Variants in ADAMTS19 observed in about 807,000 individuals in gnomAD.
ADAMTS19 encodes A disintegrin and metalloproteinase with thrombospondin motifs 19.
In ADAMTS19, 93 loss-of-function variants were observed where a neutral mutation model predicts 153.3. The observed-to-expected ratio is 0.61, with a 90% CI of 0.51 to 0.72. The LOEUF is 0.72. ADAMTS19 is among the 30% of genes least tolerant of loss of function. ADAMTS19 has a pLI of 0.00. For synonymous variants in ADAMTS19, 600 were observed against 556.6 expected (o/e 1.08, Z -1.10); for missense variants, 1,482 against 1,552.1 (o/e 0.95, Z 0.76).
chr5:129,578,969 G>T (rs1295278876), intron 7 of ADAMTS19, among the ~76,000 whole-genome samples: 1 of 152,136 alleles, frequency 6.6e-6, no homozygotes, highest in Non-Finnish European at 1.5e-5. Flanking sequence ...TAATGGGATT[G>T]CTGGGTCAAT....
At chr5:129,493,198 G>A (rs1334224063) in intron 2 of ADAMTS19, among the ~76,000 whole-genome samples, 1 of 152,014 alleles carries the variant, frequency 6.6e-6, no homozygotes, top group African/African-American at 2.4e-5. Context: ...AAGGTCCCAG[G>A]TTCACTTCAT....
chr5:129,731,296 A>T (rs1757436222), intron 21 of ADAMTS19, among the ~76,000 whole-genome samples: 1 of 152,144 alleles, frequency 6.6e-6, no homozygotes, highest in Non-Finnish European at 1.5e-5. Flanking sequence ...CATTTAGGAA[A>T]GGAGTATTAC....
intron 2 of ADAMTS19, among the ~76,000 whole-genome samples, chr5:129,470,511 C>G (rs1019969610): frequency 5.9e-5 from 9 of 152,144 alleles, no homozygotes; most frequent in African/African-American, 2.2e-4. Flanking sequence ...ATTTAGGGTG[C>G]AGCTATAGTG....
chr5:129,712,940 A>G (rs572866160), intron 21 of ADAMTS19, among the ~76,000 whole-genome samples: 1 of 152,216 alleles, frequency 6.6e-6, no homozygotes, highest in Non-Finnish European at 1.5e-5. Flanking sequence ...CAAGAGAAAT[A>G]TTGTAAAAAT....
At chr5:129,582,835 G>T (rs1581111798) in intron 7 of ADAMTS19, among the ~76,000 whole-genome samples, 1 of 151,778 alleles carries the variant, frequency 6.6e-6, no homozygotes, top group Non-Finnish European at 1.5e-5. Context: ...CCTCCCAAAA[G>T]TGCTGGGATT....
At chr5:129,672,994 T>C (rs997728457) in intron 16 of ADAMTS19, among the ~76,000 whole-genome samples, 6 of 152,126 alleles carry the variant, frequency 3.9e-5, no homozygotes, top group Non-Finnish European at 8.8e-5. Context: ...TAAACTTGTT[T>C]ATAATATTAC....
At chr5:129,549,612 A>G (rs1752991765) in intron 6 of ADAMTS19, among the ~76,000 whole-genome samples, 1 of 151,656 alleles carries the variant, frequency 6.6e-6, no homozygotes, top group East Asian at 1.9e-4. Context: ...GCACAATGGA[A>G]TTTTAACAGT....
chr5:129,669,744 T>C (rs557486104), intron 16 of ADAMTS19, among the ~76,000 whole-genome samples: 1 of 152,166 alleles, frequency 6.6e-6, no homozygotes, highest in Non-Finnish European at 1.5e-5. Flanking sequence ...ACCTTTGCTG[T>C]GTCCCATAAG....
intron 2 of ADAMTS19, among the ~76,000 whole-genome samples, chr5:129,495,802 G>A (rs1750909705): frequency 6.6e-6 from 1 of 152,020 alleles, no homozygotes; most frequent in African/African-American, 2.4e-5. Context: ...TCTTGACGTG[G>A]CCTGGTATAC....
intron 7 of ADAMTS19, among the ~76,000 whole-genome samples, chr5:129,553,134 A>G (rs1450276407): frequency 2.0e-5 from 3 of 152,098 alleles, no homozygotes; most frequent in African/African-American, 4.8e-5. Flanking sequence ...GCTTGTCTCA[A>G]AATAATAACC....
chr5:129,622,304 C>G lies in ADAMTS19; in HGVS notation c.1726C>G (p.Gln576Glu). 1.2e-6 allele frequency: 2 copies of G among 1,614,026 alleles called. No homozygotes were observed. The highest frequency in any genetic ancestry group is 1.7e-6 in the Non-Finnish European group (2 of 1,179,970). ...GMTYTADEQC[Q>E]ILFGPLASFC... ...GACATACACTGCTGATGAACAATGC[C>G]AGATCCTTTTTGGGCCATTGGCTTC... Residue 576 changes from glutamine to glutamate, a missense_variant, in exon 10 of 23, where the codon CAG becomes GAG. Gln to Glu is a conservative substitution (Grantham distance 29, BLOSUM62 2). Around this residue, in one of 2 missense-constraint regions of ADAMTS19, gnomAD observed 866 missense variants for 827.7 expected, o/e 1.05. Coordinates refer to ENST00000274487, the MANE Select transcript of ADAMTS19 (RefSeq NM_133638.6).
At chr5:129,598,150 A>G (rs1255848171) in intron 8 of ADAMTS19, among the ~76,000 whole-genome samples, 1 of 152,188 alleles carries the variant, frequency 6.6e-6, no homozygotes, top group Non-Finnish European at 1.5e-5. Flanking sequence ...ACATTAAAAA[A>G]GTGTAAATTT....
intron 7 of ADAMTS19, among the ~76,000 whole-genome samples, chr5:129,572,827 C>G (rs187072476): frequency 3.2e-4 from 49 of 151,984 alleles, no homozygotes; most frequent in African/African-American, 1.1e-3. Context: ...GTTCTGTCCC[C>G]TGATTATTGT....
At chr5:129,491,104 C>T (rs1750754976) in intron 2 of ADAMTS19, among the ~76,000 whole-genome samples, 1 of 152,120 alleles carries the variant, frequency 6.6e-6, no homozygotes, top group Non-Finnish European at 1.5e-5. Flanking sequence ...CAGGTTCACG[C>T]CATTCTTCTG....
At chr5:129,528,475 T>C in intron 5 of ADAMTS19, 45 bp from the exon 6 acceptor site, 1 of 1,453,732 alleles carries the variant, frequency 6.9e-7, no homozygotes, top group Non-Finnish European at 9.1e-7. Flanking sequence ...GTTTTGTATA[T>C]ACCTAAGAAT....
chr5:129,468,257 G>C (rs748807082), intron 2 of ADAMTS19, among the ~76,000 whole-genome samples: 3 of 152,146 alleles, frequency 2.0e-5, no homozygotes, highest in Non-Finnish European at 2.9e-5. Context: ...CTCAGACCAG[G>C]AGAGTAGGAG....
At chr5:129,681,346 C>T (rs1274005786) in intron 17 of ADAMTS19, among the ~76,000 whole-genome samples, 1 of 152,110 alleles carries the variant, frequency 6.6e-6, no homozygotes, top group Admixed American at 6.5e-5. Flanking sequence ...TATATAACTG[C>T]AATTAATATG....
intron 2 of ADAMTS19, among the ~76,000 whole-genome samples, chr5:129,484,408 T>C (rs1169628408): frequency 1.3e-5 from 2 of 152,150 alleles, no homozygotes; most frequent in Non-Finnish European, 2.9e-5. Context: ...AATTTGCCTA[T>C]ATATTTCCAT....
chr5:129,732,813 AT>A (rs1757498758), intron 21 of ADAMTS19, among the ~76,000 whole-genome samples: 1 of 152,240 alleles, frequency 6.6e-6, no homozygotes, highest in Non-Finnish European at 1.5e-5. Flanking sequence ...GGGAAAAAAA[AT>A]CCTGAAATTC....
Sources: gnomAD v4.1 joint callset for allele counts (sites outside exome capture counted in the v4.1 genomes callset) on GRCh38, gnomAD v4.1.1 for gene constraint, gnomAD v4.1.1 regional missense constraint, MANE v1.5 for transcripts, NCBI Gene and HGNC (gene_info 2026-07-23, HGNC 2026-07-21) for gene names.